Variants in TAFA2 observed in about 807,000 individuals in gnomAD.
TAFA2 encodes the protein chemokine-like protein TAFA-2.
A neutral mutation model predicts 18.8 loss-of-function variants in TAFA2; 7 were observed. The ratio of observed to expected loss-of-function variants is 0.37; its 90% CI spans 0.21 to 0.70. TAFA2 has a LOEUF of 0.70. TAFA2 is among the 30% of genes least tolerant of loss of function. The pLI is 0.53. For synonymous variants in TAFA2, 60 were observed against 54.2 expected (o/e 1.11, Z -0.47); for missense variants, 122 against 158.1 (o/e 0.77, Z 1.23).
At chr12:61,797,481 T>G (rs912413442) in intron 2 of TAFA2, among the ~76,000 whole-genome samples, 5 of 152,196 alleles carry the variant, frequency 3.3e-5, no homozygotes, top group African/African-American at 1.2e-4. Context: ...GATGGATTTA[T>G]AGCTGCTGAG....
chr12:61,887,718 A>G (rs1386650167), intron 1 of TAFA2, among the ~76,000 whole-genome samples: 1 of 150,720 alleles, frequency 6.6e-6, no homozygotes, highest in East Asian at 2.0e-4. Context: ...GTTTACTGAG[A>G]ATGATGATTT....
At chr12:62,207,468 A>G (rs111737736) in intron 1 of TAFA2, among the ~76,000 whole-genome samples, 61 of 152,162 alleles carry the variant, frequency 4.0e-4, no homozygotes, top group African/African-American at 1.4e-3. Context: ...TCTTTCACAC[A>G]CAAACACACA....
intron 1 of TAFA2, among the ~76,000 whole-genome samples, chr12:61,936,228 T>C (rs1057016006): frequency 6.6e-6 from 1 of 152,098 alleles, no homozygotes; most frequent in East Asian, 1.9e-4. Flanking sequence ...AAAACAAAAA[T>C]CATATGATCA....
At chr12:61,879,190 C>T (rs1286627081) in intron 1 of TAFA2, 1 of 326,090 alleles carries the variant, frequency 3.1e-6, no homozygotes, top group Admixed American at 4.0e-5. Context: ...ATGTTTAAAA[C>T]ATTCTTCCAG....
intron 1 of TAFA2, among the ~76,000 whole-genome samples, chr12:61,929,587 G>A (rs977201200): frequency 4.6e-5 from 7 of 151,900 alleles, no homozygotes; most frequent in Admixed American, 4.6e-4. Flanking sequence ...CATTGTGGAA[G>A]TCGATGTGGC....
chr12:62,009,965 T>A (rs1880675131), intron 1 of TAFA2, among the ~76,000 whole-genome samples: 1 of 152,088 alleles, frequency 6.6e-6, no homozygotes, highest in Admixed American at 6.6e-5. Flanking sequence ...AAATAGCTAC[T>A]CCCCTGCCAG....
At chr12:62,175,242 C>T (rs1425033463) in intron 1 of TAFA2, among the ~76,000 whole-genome samples, 2 of 152,116 alleles carry the variant, frequency 1.3e-5, no homozygotes, top group Non-Finnish European at 2.9e-5. Context: ...AGATTACATG[C>T]AGTGGGAACA....
chr12:62,161,424 C>T (rs1336658588), intron 1 of TAFA2, among the ~76,000 whole-genome samples: 4 of 152,164 alleles, frequency 2.6e-5, no homozygotes, highest in African/African-American at 7.2e-5. Context: ...AACTGAAGAT[C>T]ATTATCTTGA....
At chr12:62,057,299 G>C (rs1003236262) in intron 1 of TAFA2, among the ~76,000 whole-genome samples, 18 of 151,970 alleles carry the variant, frequency 1.2e-4, no homozygotes, top group Non-Finnish European at 4.4e-5. Context: ...TAATATCTCA[G>C]TTTTGTCCCT....
intron 2 of TAFA2, among the ~76,000 whole-genome samples, chr12:61,787,836 G>A: frequency 6.6e-6 from 1 of 151,556 alleles, no homozygotes; most frequent in African/African-American, 2.4e-5. Flanking sequence ...CAAAATGGCT[G>A]GAGTAAGTTC....
intron 1 of TAFA2, among the ~76,000 whole-genome samples, chr12:62,140,973 C>A (rs1303818331): frequency 6.6e-6 from 1 of 152,194 alleles, no homozygotes; most frequent in African/African-American, 2.4e-5. Context: ...TCTTGATCAG[C>A]TTCTCAGGAT....
intron 1 of TAFA2, among the ~76,000 whole-genome samples, chr12:61,884,179 A>G (rs1388757210): frequency 6.6e-6 from 1 of 152,176 alleles, no homozygotes; most frequent in Non-Finnish European, 1.5e-5. Flanking sequence ...AAAGTGTATT[A>G]AGCGGAGGAA....
intron 2 of TAFA2, among the ~76,000 whole-genome samples, chr12:61,837,700 G>C (rs908898825): frequency 6.6e-6 from 1 of 152,012 alleles, no homozygotes; most frequent in African/African-American, 2.4e-5. Flanking sequence ...CACAGAACAA[G>C]AGAAATATAG....
At chr12:62,235,458 G>A (rs1180715781) in intron 1 of TAFA2, 13 of 631,610 alleles carry the variant, frequency 2.1e-5, no homozygotes, top group African/African-American at 9.2e-5. Flanking sequence ...TGCGCCGCCT[G>A]CCACTGGCTC....
intron 1 of TAFA2, among the ~76,000 whole-genome samples, chr12:61,963,742 T>G (rs1203226721): frequency 6.6e-6 from 1 of 152,024 alleles, no homozygotes; most frequent in Non-Finnish European, 1.5e-5. Flanking sequence ...ATATTTCATA[T>G]GAAACCAAAA....
At chr12:61,777,935 C>T (rs1303747157) in intron 2 of TAFA2, among the ~76,000 whole-genome samples, 2 of 151,704 alleles carry the variant, frequency 1.3e-5, no homozygotes, top group African/African-American at 4.8e-5. Flanking sequence ...TTGATGGTAA[C>T]TTCTTACCTT....
At chr12:61,809,744 A>T (rs1431194538) in intron 2 of TAFA2, among the ~76,000 whole-genome samples, 1 of 151,382 alleles carries the variant, frequency 6.6e-6, no homozygotes, top group Non-Finnish European at 1.5e-5. Flanking sequence ...TTGAGGGTAG[A>T]AAAGCTTATT....
chr12:61,971,227 A>C (rs909272764), intron 1 of TAFA2, among the ~76,000 whole-genome samples: 2 of 151,762 alleles, frequency 1.3e-5, no homozygotes, highest in East Asian at 3.9e-4. Context: ...GTCTTGAAGG[A>C]TAAATAGAAA....
chr12:61,896,002 C>A, intron 1 of TAFA2, among the ~76,000 whole-genome samples: 1 of 150,542 alleles, frequency 6.6e-6, no homozygotes, highest in South Asian at 2.1e-4. Flanking sequence ...ATCCATCAAG[C>A]AATTAGTGAG....
Sources: allele counts gnomAD v4.1 joint callset (sites outside exome capture counted in the v4.1 genomes callset), GRCh38; gene constraint gnomAD v4.1.1; transcripts MANE v1.5; gene names NCBI Gene and HGNC (gene_info 2026-07-23, HGNC 2026-07-21).